Variants in TSPOAP1 observed in about 807,000 individuals in gnomAD.
TSPOAP1 encodes the protein peripheral-type benzodiazepine receptor-associated protein 1.
Under a neutral mutation model 197.0 loss-of-function variants are expected in TSPOAP1, and 87 were observed. The ratio of observed to expected loss-of-function variants is 0.44; its 90% confidence interval spans 0.37 to 0.53. The LOEUF is 0.53. TSPOAP1 is among the 20% of genes least tolerant of loss of function. The pLI, the probability that TSPOAP1 is intolerant of heterozygous loss-of-function variation, is 0.00. For synonymous variants in TSPOAP1, 913 were observed against 998.9 expected (o/e 0.91, Z 1.62); for missense variants, 2,174 against 2,411.3 (o/e 0.90, Z 2.06).
At chr17:58,305,346 G>T in intron 29 of TSPOAP1, 41 bp downstream of exon 29, 1 of 1,608,432 alleles carries the variant, frequency 6.2e-7, no homozygotes, top group East Asian at 2.2e-5. Context: ...CGAAGTCTGG[G>T]GGGCTGGGAT....
chr17:58,318,403 G>A lies in TSPOAP1; in HGVS notation c.1749C>T (p.Ser583=), dbSNP rs372738734. 3.8e-4 allele frequency: 619 copies of A among 1,613,874 alleles called. 1 individual carries two copies. Among genetic ancestry groups the A allele is most frequent in the Non-Finnish European group, 2.7e-4 (317 of 1,179,982 alleles). Residue 583 remains serine (S), a synonymous_variant, in exon 14 of 32, where the codon TCC becomes TCT. Transcript: ENST00000343736. ...CAGTGAGAGTGGCAGGGGCAGGCTC[G>A]GAAGACTTTGGGGTGCAGCGCCCAG... The part of the protein sequence containing the change: ...GSPGRCTPKS[S]EPAPATLTGV...
chr17:58,323,661 C>T (rs932197815), intron 5 of TSPOAP1, 116 bp from the exon 6 acceptor site: 7 of 1,074,088 alleles, frequency 6.5e-6, no homozygotes, highest in South Asian at 1.5e-5. Flanking sequence ...AGCAAGAGAT[C>T]CCTGCCTAGC....
rs1441490518 is a variant in TSPOAP1, at chr17:58,326,917, C to G, written c.334-127G>C. 2.6e-6 allele frequency: 2 copies of G among 777,098 alleles called. No homozygotes were observed. Among genetic ancestry groups the G allele is most frequent in the Non-Finnish European group, 4.3e-6 (2 of 460,792 alleles). The allele number at this position is 777,098 out of a possible 1,614,324, so 48.1% of individuals were successfully genotyped here. A position where few individuals can be genotyped will look rare whatever the true frequency, so the allele number is the denominator to read the frequency against. ...GGAGATGAAACGGTTTCCCCTATGT[C>G]CCAGGCCTTCAGAGAGGAGCAGAGG... On this transcript the variant is annotated intron_variant, in intron 1 of 31. Transcript: ENST00000343736. This position sits in a 1 kb window ranked among gnomAD's most constrained non-coding sequence, Gnocchi z 4.7.
rs892450748 is a variant in TSPOAP1 at position 58,318,464 on chromosome 17, A to T, written c.1700-12T>A. On this transcript the variant is annotated splice_polypyrimidine_tract_variant and intron_variant, in intron 13 of 31. Transcript: ENST00000343736. ...CGGGAGGTCAAGGTCTAAAGAGAAG[A>T]TGGCACGTGGGCTTGGGGTCTGTGG... The T allele has an allele frequency of 6.2e-7, 1 of 1,608,744 alleles. No individual in the cohort carries two copies. Among genetic ancestry groups the T allele is most frequent in the Non-Finnish European group, 8.5e-7 (1 of 1,177,958 alleles).
At chr17:58,325,955 G>A (rs906544307) in intron 3 of TSPOAP1, among the ~76,000 whole-genome samples, 2 of 152,146 alleles carry the variant, frequency 1.3e-5, no homozygotes, top group Admixed American at 1.3e-4. Flanking sequence ...CTGCCACTGT[G>A]ATGGGTCTCA....
intron 14 of TSPOAP1, among the ~76,000 whole-genome samples, chr17:58,317,025 A>G (rs891431403): frequency 6.6e-6 from 1 of 152,120 alleles, no homozygotes; most frequent in Non-Finnish European, 1.5e-5. Context: ...ACAAAACCCC[A>G]TCTCTACTAA....
chr17:58,317,382 C>G (rs905560126), intron 14 of TSPOAP1, among the ~76,000 whole-genome samples: 2 of 152,174 alleles, frequency 1.3e-5, no homozygotes, highest in African/African-American at 4.8e-5. Context: ...CGTCTACTTG[C>G]CCGGCCCACA....
intron 1 of TSPOAP1, 106 bp downstream of exon 1, chr17:58,327,482 C>A: frequency 8.9e-7 from 1 of 1,129,704 alleles, no homozygotes; most frequent in Non-Finnish European, 1.3e-6. Flanking sequence ...CAAGAGAGGA[C>A]AGGTGGGCAT....
At chr17:58,321,011 T>C (rs1229416484) in intron 10 of TSPOAP1, among the ~76,000 whole-genome samples, 1 of 152,124 alleles carries the variant, frequency 6.6e-6, no homozygotes, top group Non-Finnish European at 1.5e-5. Flanking sequence ...CATCTACTCA[T>C]ACAACTAAAC....
chr17:58,319,291 G>A lies in TSPOAP1; in HGVS notation c.1498C>T (p.Arg500Trp), dbSNP rs756841295. 1.0e-5 allele frequency: 16 copies of A among 1,572,808 alleles called. No homozygotes were observed. The highest frequency in any genetic ancestry group is 2.7e-5 in the African/African-American group (2 of 73,762). The change falls in exon 13 of 32, where the codon CGG (arginine) becomes TGG (tryptophan). Residue 500 changes from arginine (R) to tryptophan (W), a missense_variant. Coordinates refer to ENST00000343736, the MANE Select transcript of TSPOAP1 (RefSeq NM_004758.4). ...CACTGTTCTTCGAGCTCTCGAACCC[G>A]GGCCTGGGCCAAGACCCACCATGAG... ...LESTLDSMQARVRELEEQCRS... is the reference protein window; with the variant it reads ...LESTLDSMQAWVRELEEQCRS...
chr17:58,305,618 A>G lies in TSPOAP1; in HGVS notation c.5283T>C (p.Ala1761=). 1 of 1,554,716 alleles carries G rather than the reference A, an allele frequency of 6.4e-7. No homozygotes were observed. Among genetic ancestry groups the G allele is most frequent in the Non-Finnish European group, 8.7e-7 (1 of 1,151,396 alleles). ...CPGPPKLVPS[A]DLKAPHSMVA... The stretch of plus-strand genomic sequence containing the variant: ...CCATGGAGTGGGGAGCTTTCAGGTC[A>G]GCAGAGGGGACCAGCTTAGGGGGGC... Residue 1761 remains alanine (A), a synonymous_variant, in exon 28 of 32, where the codon GCT becomes GCC. Coordinates refer to ENST00000343736, the MANE Select transcript of TSPOAP1 (RefSeq NM_004758.4).
Position 58,326,389 on chromosome 17 carries a change from C to G in TSPOAP1, c.474G>C (p.Lys158Asn). The G allele has an allele frequency of 6.2e-7, 1 of 1,613,988 alleles. No homozygotes were observed. The highest frequency in any genetic ancestry group is 8.5e-7 in the Non-Finnish European group (1 of 1,180,022). ...CGTTCTTCCTCTTCAGCCTCCGCAC[C>G]TTCTCTTCTGTCTCAGGGAAGCTGC... is the stretch of plus-strand genomic sequence containing the variant. Reference protein sequence around the residue: ...RKSSFPETEEKVRRLKRKNAE... With the variant: ...RKSSFPETEENVRRLKRKNAE... The change falls in exon 3 of 32, where the codon AAG (lysine) becomes AAC (asparagine). Residue 158 changes from lysine (K) to asparagine (N), a missense_variant. This residue lies in a region of TSPOAP1 where 1,933 missense variants were observed against 2,139.0 expected (regional missense o/e 0.90). Coordinates refer to ENST00000343736, the MANE Select transcript of TSPOAP1 (RefSeq NM_004758.4). The surrounding 1 kb of genome is among the most constrained non-coding windows in gnomAD (Gnocchi z 4.7).
Position 58,312,533 on chromosome 17 carries a change from C to T in TSPOAP1, c.2288G>A (p.Ser763Asn), listed in dbSNP as rs1398384156. The T allele has an allele frequency of 1.2e-6, 2 of 1,603,326 alleles. No homozygotes were observed. Among genetic ancestry groups the T allele is most frequent in the Non-Finnish European group, 1.7e-6 (2 of 1,174,788 alleles). Residue 763 changes from serine to asparagine, a missense_variant, in exon 17 of 32, where the codon AGC (serine) becomes AAC (asparagine). By Grantham distance (46) the Ser-to-Asn change is conservative. Coordinates refer to ENST00000343736, the MANE Select transcript of TSPOAP1 (RefSeq NM_004758.4). ...SSGGQSSVGR[S>N]QPRPEEEDAG... ...ATCCTCCTCCTCAGGTCTGGGCTGG[C>T]TCCTTCCCACACTGCTTTGGCCCCC...
Position 58,306,863 on chromosome 17 carries a change from C to A in TSPOAP1, c.5089G>T (p.Ala1697Ser). ...CGCTGGAGCAGTTGCTGTCTCCCAGCAGGGCTGTCCACAGCCACCTCAGCC... is the reference window on the plus strand; with the variant it reads ...CGCTGGAGCAGTTGCTGTCTCCCAGAAGGGCTGTCCACAGCCACCTCAGCC... ...MVAEVAVDSP[A>S]GRQQLLQRGY... The change falls in exon 25 of 32, where the codon GCT becomes TCT. Residue 1697 changes from alanine to serine, a missense_variant. Transcript: ENST00000343736. The A allele has an allele frequency of 3.7e-6, 6 of 1,613,688 alleles. No individual in the cohort carries two copies. The highest frequency in any genetic ancestry group is 5.1e-6 in the Non-Finnish European group (6 of 1,180,006).
intron 20 of TSPOAP1, 73 bp downstream of exon 20, chr17:58,310,439 A>AT (rs1289930290): frequency 2.5e-6 from 4 of 1,579,340 alleles, no homozygotes; most frequent in Non-Finnish European, 3.4e-6. Context: ...GGGCAACTGG[A>AT]TTTGCGCTGG....
In TSPOAP1 at chr17:58,304,764, G is replaced by A. The variant is rs1481513216; in HGVS notation, c.5544+297C>T. ...TGATTGGCCACAGGTGTGAGGCAGA[G>A]GGGTCCTTTTCCACAGGGCCCCCTC... On this transcript the variant is annotated intron_variant, in intron 30 of 31. Transcript: ENST00000343736. The surrounding 1 kb of genome is among the most constrained non-coding windows in gnomAD (Gnocchi z 4.2). 6.8e-6 allele frequency: 4 copies of A among 587,914 alleles called. No homozygotes were observed. The highest frequency in any genetic ancestry group is 1.8e-5 in the African/African-American group (1 of 54,098). 36.4% of individuals were successfully genotyped at this position (587,914 alleles called of 1,614,324 possible).
chr17:58,325,731 AAG>A lies in TSPOAP1; in HGVS notation c.571-20_571-19del. 1 of 1,591,228 alleles carries A rather than the reference AAG, an allele frequency of 6.3e-7. No individual in the cohort carries two copies. The stretch of plus-strand genomic sequence containing the variant: ...GCACTCACCTAGCCAGAGGAGGGGT[AAG>A]GCCAATGGTCACCTGAGGGCTGGGG... On this transcript the variant is annotated intron_variant, in intron 3 of 31. Coordinates refer to ENST00000343736, the MANE Select transcript of TSPOAP1 (RefSeq NM_004758.4).
chr17:58,328,131 CTA>C lies in TSPOAP1; in HGVS notation c.-213_-212del. 3.4e-6 allele frequency: 2 copies of C among 587,586 alleles called. No individual in the cohort carries two copies. Among genetic ancestry groups the C allele is most frequent in the Non-Finnish European group, 6.1e-6 (2 of 330,122 alleles). 36.4% of individuals were successfully genotyped at this position (587,586 alleles called of 1,614,324 possible). On this transcript the variant is annotated 5_prime_UTR_variant, in exon 1 of 32. Coordinates refer to ENST00000343736, the MANE Select transcript of TSPOAP1 (RefSeq NM_004758.4). This position sits in a 1 kb window ranked among gnomAD's most constrained non-coding sequence, Gnocchi z 4.3. ...GGAGCTGGAGCCAGGGGTATGTGAG[CTA>C]TGTTTGCTGGTAGCTGTGTGTGTGC...
At position 58,311,961 on chromosome 17, in the gene TSPOAP1, G is replaced by A. The variant is rs540308301; in HGVS notation, c.2860C>T (p.Pro954Ser). The change falls in exon 17 of 32, where the codon CCC (proline) becomes TCC (serine). Residue 954 changes from proline (P) to serine (S), a missense_variant. Coordinates refer to ENST00000343736, the MANE Select transcript of TSPOAP1 (RefSeq NM_004758.4). ...QVEAQLPPQG[P>S]WEPGWERLEQ... The stretch of plus-strand genomic sequence containing the variant: ...AGCCTCTCCCAGCCTGGTTCCCAGG[G>A]CCCTTGGGGTGGGAGCTGAGCCTCC... The A allele has an allele frequency of 4.4e-5, 70 of 1,603,758 alleles. No homozygotes were observed. In the South Asian group the frequency reaches 6.7e-4, roughly 15 times the overall value.
Sources: gnomAD v4.1 joint callset for allele counts (sites outside exome capture counted in the v4.1 genomes callset) on GRCh38, gnomAD v4.1.1 for gene constraint, gnomAD v4.1.1 regional missense constraint, Gnocchi (gnomAD v3.1) non-coding constraint, MANE v1.5 for transcripts, NCBI Gene and HGNC (gene_info 2026-07-23, HGNC 2026-07-21) for gene names.